ALS2CL: variants seen among roughly 807,000 people sequenced by gnomAD.
ALS2CL encodes ALS2 C-terminal-like protein.
ALS2CL carries 112 observed loss-of-function variants against 127.9 expected under a neutral mutation model. The observed-to-expected ratio is 0.88, with a 90% CI of 0.75 to 1.02. The LOEUF (loss-of-function observed/expected upper bound fraction) is 1.02, where lower values mean the gene tolerates loss of function less well. ALS2CL is among the 50% of genes least tolerant of loss of function. The probability of loss-of-function intolerance (pLI) is 0.00; values close to 1 mark genes in which losing one functional copy is unlikely to be tolerated. For synonymous variants in ALS2CL, 519 were observed against 527.6 expected, an observed-to-expected ratio of 0.98 and a Z score of 0.22; for missense variants, 1,174 against 1,236.7, an observed-to-expected ratio of 0.95 and a Z score of 0.76.
At chr3:46,682,989 A>C (rs985306562) in intron 10 of ALS2CL, 141 bp downstream of exon 10, 1 of 927,234 alleles carries the variant, frequency 1.1e-6, no homozygotes, top group Non-Finnish European at 1.5e-6. Flanking sequence ...AGAGGACTTA[A>C]GAGGGACTCT....
rs1575456268 is a variant in ALS2CL at position 46,691,532 on chromosome 3, C to T, written c.-25-2067G>A. ...AGCCTCTCCTCCTCAGGCTTCCTGT[C>T]CCTCGTCCCCACTGCCCAGTCTCAG... is the stretch of plus-strand genomic sequence containing the variant. On this transcript the variant is annotated intron_variant, in intron 1 of 25. Transcript: ENST00000318962. Among the ~76,000 whole-genome samples, 4 of 152,150 alleles carry T rather than the reference C, an allele frequency of 2.6e-5. No homozygotes were observed. In the South Asian group the frequency reaches 8.3e-4, roughly 32 times the overall value.
Position 46,688,298 on chromosome 3 carries a change from T to C in ALS2CL, c.104-2A>G. The C allele has an allele frequency of 1.2e-6, 2 of 1,612,056 alleles. No individual in the cohort carries two copies. The highest frequency in any genetic ancestry group is 1.7e-6 in the Non-Finnish European group (2 of 1,179,632). ...CCCAGGGATCCGAGGGATCTGGGGCTGGGGAAGGAGTACAGTCACACTGTG... is the reference window on the plus strand; with the variant it reads ...CCCAGGGATCCGAGGGATCTGGGGCCGGGGAAGGAGTACAGTCACACTGTG... On this transcript the variant is annotated splice_acceptor_variant, in intron 2 of 25. Coordinates refer to ENST00000318962, the MANE Select transcript of ALS2CL (RefSeq NM_147129.5). LOFTEE classifies it high-confidence loss of function.
Position 46,686,182 on chromosome 3 carries a change from C to T in ALS2CL, c.666+126G>A. The T allele has an allele frequency of 1.5e-6, 2 of 1,353,202 alleles. No homozygotes were observed. Among genetic ancestry groups the T allele is most frequent in the South Asian group, 1.6e-5 (1 of 64,158 alleles). 83.8% of individuals were successfully genotyped at this position (1,353,202 alleles called of 1,614,324 possible). A position where few individuals can be genotyped will look rare whatever the true frequency, so the allele number is the denominator to read the frequency against. On this transcript the variant is annotated intron_variant, in intron 6 of 25. Coordinates refer to ENST00000318962, the MANE Select transcript of ALS2CL (RefSeq NM_147129.5). The surrounding 1 kb of genome is among the most constrained non-coding windows in gnomAD (Gnocchi z 4.3). The stretch of plus-strand genomic sequence containing the variant: ...GGACCTTACAGCCACCTGCTTCAGC[C>T]ATCACTCCCCCTTCCATATAGGGAA...
At chr3:46,687,747 T>A in intron 3 of ALS2CL, 63 bp from the exon 4 acceptor site, 1 of 1,515,498 alleles carries the variant, frequency 6.6e-7, no homozygotes, top group African/African-American at 1.4e-5. Flanking sequence ...AAGCCCCTGG[T>A]CCCTGGGATC....
Position 46,681,405 on chromosome 3 carries a change from T to C in ALS2CL, c.1277A>G (p.Tyr426Cys), listed in dbSNP as rs1371102482. The change falls in exon 13 of 26, where the codon TAC becomes TGC. Residue 426 changes from tyrosine to cysteine, a missense_variant and splice_region_variant. Transcript: ENST00000318962. This position sits in a 1 kb window ranked among gnomAD's most constrained non-coding sequence, Gnocchi z 4.9. ...GCCCTTGTACACCTCGTCGGTGCTG[T>C]ACCTGGGGAGGGCCATCAACAACGA... Reference protein sequence around the residue: ...GSMCGYGICEYSTDEVYKGYF... With the variant: ...GSMCGYGICECSTDEVYKGYF... 1.9e-6 allele frequency: 3 copies of C among 1,606,154 alleles called. No homozygotes were observed. Among genetic ancestry groups the C allele is most frequent in the East Asian group, 4.5e-5 (2 of 44,652 alleles).
intron 2 of ALS2CL, 85 bp from the exon 3 acceptor site, chr3:46,688,381 T>A: frequency 7.4e-7 from 1 of 1,350,032 alleles, no homozygotes; most frequent in Non-Finnish European, 1.0e-6. Context: ...GGTGTTCACA[T>A]GAGAGCCACC....
chr3:46,688,087 A>T lies in ALS2CL; in HGVS notation c.302+11T>A. 2.3e-5 allele frequency: 37 copies of T among 1,610,726 alleles called. No individual in the cohort carries two copies. Among genetic ancestry groups the T allele is most frequent in the Non-Finnish European group, 3.1e-5 (36 of 1,177,966 alleles). On this transcript the variant is annotated intron_variant, in intron 3 of 25. Transcript: ENST00000318962. Reference sequence around the variant, plus strand: ...AGGGATGAGCCCCAGCCCCACCTCCAGTGGTCTTACTCTATGTGGGCCTGC... The same window carrying T: ...AGGGATGAGCCCCAGCCCCACCTCCTGTGGTCTTACTCTATGTGGGCCTGC...
intron 10 of ALS2CL, 40 bp from the exon 11 acceptor site, chr3:46,682,134 A>G: frequency 6.2e-7 from 1 of 1,604,632 alleles, no homozygotes; most frequent in South Asian, 1.1e-5. Context: ...AGGCCTACCC[A>G]CCCCTCAGCA....
At chr3:46,682,450 T>C (rs564865062) in intron 10 of ALS2CL, among the ~76,000 whole-genome samples, 3 of 152,336 alleles carry the variant, frequency 2.0e-5, no homozygotes, top group South Asian at 2.1e-4. Flanking sequence ...TCCCCACTTC[T>C]GTGTTTTTTC....
At chr3:46,687,539 G>C (rs973764332) in intron 4 of ALS2CL, 80 bp downstream of exon 4, 4 of 1,498,568 alleles carry the variant, frequency 2.7e-6, no homozygotes, top group African/African-American at 2.7e-5. Flanking sequence ...CTGCTGCTCT[G>C]GGGAGGGGGC....
rs917498795 is a variant in ALS2CL at position 46,686,536 on chromosome 3, C to T, written c.535-97G>A. On this transcript the variant is annotated intron_variant, in intron 5 of 25. Transcript: ENST00000318962. The surrounding 1 kb of genome is among the most constrained non-coding windows in gnomAD (Gnocchi z 4.3). ...CTGGTGGGGAGGCCTGAATCTAGGC[C>T]AGACCTTGCCCTTCTCTCCCTGACA... is the stretch of plus-strand genomic sequence containing the variant. 10 of 1,482,510 alleles carry T rather than the reference C, an allele frequency of 6.7e-6. No homozygotes were observed. In the African/African-American group the frequency reaches 1.1e-4, roughly 17 times the overall value. The allele number at this position is 1,482,510 out of a possible 1,614,324, so 91.8% of individuals were successfully genotyped here.
Position 46,671,957 on chromosome 3 carries a change from C to T in ALS2CL, c.2611G>A (p.Val871Ile). The T allele has an allele frequency of 6.2e-7, 1 of 1,613,970 alleles. No individual in the cohort carries two copies. The highest frequency in any genetic ancestry group is 8.5e-7 in the Non-Finnish European group (1 of 1,179,994). Residue 871 changes from valine to isoleucine, a missense_variant, in exon 24 of 26, where the codon GTA (valine) becomes ATA (isoleucine). Physicochemically the swap from Val to Ile is conservative, Grantham distance 29. Coordinates refer to ENST00000318962, the MANE Select transcript of ALS2CL (RefSeq NM_147129.5). ...YGEIEGTVSR[V>I]LGREYKLPMD... The stretch of plus-strand genomic sequence containing the variant: ...GGCAGCTTGTACTCCCGGCCCAATA[C>T]CCTCGACACCGTGCCCTCAATTTCC...
At position 46,683,804 on chromosome 3, in the gene ALS2CL, C is replaced by T. The variant is rs541431840; in HGVS notation, c.890G>A (p.Cys297Tyr). 3 of 1,613,968 alleles carry T rather than the reference C, an allele frequency of 1.9e-6. No individual in the cohort carries two copies. In the African/African-American group the frequency reaches 4.0e-5, roughly 22 times the overall value. Reference protein sequence around the residue: ...LLTPEEEFSFCAKDSQGQAVW... With the variant: ...LLTPEEEFSFYAKDSQGQAVW... ...CACCTGGCCCTGGGAGTCCTTGGCA[C>T]AAAAGGAGAACTCTTCTTCGGGCGT... Residue 297 changes from cysteine to tyrosine, a missense_variant, in exon 9 of 26, where the codon TGT becomes TAT. By Grantham distance (194) the Cys-to-Tyr change is radical. Transcript: ENST00000318962.
At position 46,671,900 on chromosome 3, in the gene ALS2CL, C is replaced by T. The variant is rs1420355279; in HGVS notation, c.2668G>A (p.Val890Met). 4.3e-6 allele frequency: 7 copies of T among 1,613,804 alleles called. No individual in the cohort carries two copies. The highest frequency in any genetic ancestry group is 1.6e-4 in the Middle Eastern group (1 of 6,082). The change falls in exon 24 of 26, where the codon GTG becomes ATG. Residue 890 changes from valine to methionine, a missense_variant. Transcript: ENST00000318962. The stretch of plus-strand genomic sequence containing the variant: ...CTGCCTCACCGGGCGCGCGACACCA[C>T]GTAGATGAGAAGTGGCAGCAGGTCG... ...MDDLLPLLIYVVSRARIQHLG... is the reference protein window; with the variant it reads ...MDDLLPLLIYMVSRARIQHLG...
rs745755253 is a variant in ALS2CL, at chr3:46,681,287, C to G, written c.1395G>C (p.Arg465Ser). The G allele has an allele frequency of 6.2e-7, 1 of 1,614,014 alleles. No homozygotes were observed. The highest frequency in any genetic ancestry group is 8.5e-7 in the Non-Finnish European group (1 of 1,179,972). The change falls in exon 13 of 26, where the codon AGG becomes AGC. Residue 465 changes from arginine (R) to serine (S), a missense_variant. By Grantham distance (110) the Arg-to-Ser change is moderately radical (BLOSUM62 -1). Coordinates refer to ENST00000318962, the MANE Select transcript of ALS2CL (RefSeq NM_147129.5). The surrounding 1 kb of genome is among the most constrained non-coding windows in gnomAD (Gnocchi z 4.9). Reference sequence around the variant, plus strand: ...CAATGCCATAGCCGCTCCTCTGGCCCCTCTCCCAGTGGCCCGTGTACCTGA... The same window carrying G: ...CAATGCCATAGCCGCTCCTCTGGCCGCTCTCCCAGTGGCCCGTGTACCTGA... ...QPFRYTGHWE[R>S]GQRSGYGIEE... is the part of the protein sequence containing the mutation.
chr3:46,682,019 C>G lies in ALS2CL; in HGVS notation c.1175+10G>C. ...GCACGCCTCCCAGCAGTAGCCCCAG[C>G]CAGCCTTACCCATGCTCCAGGCCCT... On this transcript the variant is annotated intron_variant, in intron 11 of 25. Coordinates refer to ENST00000318962, the MANE Select transcript of ALS2CL (RefSeq NM_147129.5). The G allele has an allele frequency of 5.0e-6, 8 of 1,613,798 alleles. No individual in the cohort carries two copies. The highest frequency in any genetic ancestry group is 6.8e-6 in the Non-Finnish European group (8 of 1,179,890).
At chr3:46,672,922 C>A (rs1424783618) in intron 22 of ALS2CL, among the ~76,000 whole-genome samples, 6 of 152,200 alleles carry the variant, frequency 3.9e-5, no homozygotes, top group Non-Finnish European at 8.8e-5. Flanking sequence ...AGGTTAGTCA[C>A]TTGAACCCGG....
At chr3:46,675,595 C>T (rs1698750893) in intron 20 of ALS2CL, 23 bp downstream of exon 20, 31 of 1,609,072 alleles carry the variant, frequency 1.9e-5, no homozygotes, top group Non-Finnish European at 2.6e-5. Flanking sequence ...ACGGCAGGCC[C>T]CAAGGAGACC....
chr3:46,677,429 C>CCAA, intron 16 of ALS2CL: 1 of 1,028,974 alleles, frequency 9.7e-7, no homozygotes, highest in Admixed American at 5.0e-5. Context: ...CCCGCCCTGG[C>CCAA]CAACAGGCTG....
Sources: allele counts gnomAD v4.1 joint callset (sites outside exome capture counted in the v4.1 genomes callset), GRCh38; gene constraint gnomAD v4.1.1; non-coding constraint Gnocchi (gnomAD v3.1); transcripts MANE v1.5; gene names NCBI Gene and HGNC (gene_info 2026-07-23, HGNC 2026-07-21).